Variants in BAZ2B observed in about 807,000 individuals in gnomAD.
BAZ2B encodes the protein bromodomain adjacent to zinc finger domain 2B.
In BAZ2B, 91 loss-of-function variants were observed where a neutral mutation model predicts 246.0. That is an observed-to-expected ratio of 0.37 (90% CI 0.31 to 0.44). BAZ2B has a LOEUF of 0.44. Ranked by LOEUF, BAZ2B falls within the 20% of genes least tolerant of loss-of-function variation. BAZ2B has a pLI of 1.00. For synonymous variants in BAZ2B, 855 were observed against 860.0 expected (o/e 0.99, Z 0.10); for missense variants, 2,332 against 2,533.7 (o/e 0.92, Z 1.71).
intron 2 of BAZ2B, among the ~76,000 whole-genome samples, chr2:159,507,227 T>G (rs924179787): frequency 6.6e-6 from 1 of 152,176 alleles, no homozygotes; most frequent in Non-Finnish European, 1.5e-5. Context: ...TGAGGTTTCC[T>G]GTGTAAAATA....
rs1485160890 is a variant in BAZ2B, at chr2:159,332,689, A to G, written c.5797-3T>C. ...CCCTTTCGACAGATTTGGCAGTACT[A>G]TAATACATGAAAAATCATTTAAAAT... On this transcript the variant is annotated splice_polypyrimidine_tract_variant and splice_region_variant and intron_variant, in intron 33 of 36. Transcript: ENST00000392783. The G allele has an allele frequency of 1.2e-6, 2 of 1,612,744 alleles. No individual in the cohort carries two copies. Among genetic ancestry groups the G allele is most frequent in the Admixed American group, 1.7e-5 (1 of 59,738 alleles).
chr2:159,586,191 G>A (rs576294503), intron 1 of BAZ2B, among the ~76,000 whole-genome samples: 8 of 152,156 alleles, frequency 5.3e-5, no homozygotes, highest in Admixed American at 1.3e-4. Flanking sequence ...TAATCTATAC[G>A]TTGTGGTAAT....
At chr2:159,382,326 C>A (rs1167158950) in intron 25 of BAZ2B, among the ~76,000 whole-genome samples, 1 of 152,116 alleles carries the variant, frequency 6.6e-6, no homozygotes, top group Admixed American at 6.6e-5. Context: ...AAAAAAACTT[C>A]TTTTATTCAG....
At chr2:159,447,020 C>A in intron 5 of BAZ2B, 45 bp from the exon 6 acceptor site, 1 of 1,358,042 alleles carries the variant, frequency 7.4e-7, no homozygotes, top group Non-Finnish European at 9.9e-7. Context: ...AATATTATTG[C>A]ATCATTTAAA....
chr2:159,378,613 T>C (rs2061661223), intron 25 of BAZ2B, among the ~76,000 whole-genome samples: 1 of 152,116 alleles, frequency 6.6e-6, no homozygotes, highest in Non-Finnish European at 1.5e-5. Flanking sequence ...AAAAACCAGA[T>C]AACCAGATTT....
At chr2:159,641,572 C>T in the BAZ2B span, among the ~76,000 whole-genome samples, 1 of 152,140 alleles carries the variant, frequency 6.6e-6, no homozygotes, top group African/African-American at 2.4e-5. Flanking sequence ...TAATTAAATG[C>T]CATTTGTCAA....
rs192888871 is a variant in BAZ2B, at chr2:159,377,629, A to G, written c.4006-2876T>C. 6.5e-4 allele frequency among the ~76,000 whole-genome samples: 99 copies of G among 152,180 alleles called. 1 individual carries two copies. Among genetic ancestry groups the G allele is most frequent in the African/African-American group, 1.9e-3 (78 of 41,512 alleles). On this transcript the variant is annotated intron_variant, in intron 25 of 36. Coordinates refer to ENST00000392783, the MANE Select transcript of BAZ2B (RefSeq NM_013450.4). ...AGAGATCGAGACCAGCCTGGCCAACATGGTGAAACCCTGTCTCTACTAAAA... is the reference window on the plus strand; with the variant it reads ...AGAGATCGAGACCAGCCTGGCCAACGTGGTGAAACCCTGTCTCTACTAAAA...
intron 27 of BAZ2B, among the ~76,000 whole-genome samples, chr2:159,357,044 TC>T (rs2059190140): frequency 6.6e-6 from 1 of 151,916 alleles, no homozygotes; most frequent in Non-Finnish European, 1.5e-5. Flanking sequence ...GGCTAAAAAT[TC>T]CCAAAACCAG....
intron 13 of BAZ2B, among the ~76,000 whole-genome samples, chr2:159,427,099 C>T (rs1055410326): frequency 1.3e-5 from 2 of 152,008 alleles, no homozygotes; most frequent in African/African-American, 2.4e-5. Context: ...TGGCAGATAA[C>T]AAAGTGGATG....
chr2:159,690,507 A>G, the BAZ2B span, among the ~76,000 whole-genome samples: 1 of 152,130 alleles, frequency 6.6e-6, no homozygotes, highest in African/African-American at 2.4e-5. Flanking sequence ...ACTGGTAGTT[A>G]TTGATACATA....
chr2:159,519,306 T>G (rs1450742322), intron 2 of BAZ2B, among the ~76,000 whole-genome samples: 1 of 130,188 alleles, frequency 7.7e-6, no homozygotes, highest in African/African-American at 2.9e-5. Context: ...CTCGGCTCAC[T>G]GCAAGCTCCG....
chr2:159,594,427 A>G (rs924309166), intron 1 of BAZ2B, among the ~76,000 whole-genome samples: 10 of 152,242 alleles, frequency 6.6e-5, no homozygotes, highest in Non-Finnish European at 1.2e-4. Flanking sequence ...AGTAATTAGA[A>G]AAACTAAGTA....
intron 25 of BAZ2B, among the ~76,000 whole-genome samples, chr2:159,376,400 G>GA (rs1333409960): frequency 6.7e-6 from 1 of 149,920 alleles, no homozygotes; most frequent in Non-Finnish European, 1.5e-5. Context: ...ACTACCCAAT[G>GA]AAAAAAAAAG....
chr2:159,376,884 T>C (rs1376543902), intron 25 of BAZ2B, among the ~76,000 whole-genome samples: 1 of 152,048 alleles, frequency 6.6e-6, no homozygotes, highest in Non-Finnish European at 1.5e-5. Context: ...GACAGAAAGG[T>C]AGTAGCAGCA....
At chr2:159,602,231 T>C (rs1692325093) in intron 1 of BAZ2B, among the ~76,000 whole-genome samples, 1 of 151,936 alleles carries the variant, frequency 6.6e-6, no homozygotes, top group Non-Finnish European at 1.5e-5. Context: ...GAAACAACAG[T>C]CTAGGGGTAA....
At chr2:159,553,165 C>T (rs1202754362) in intron 2 of BAZ2B, among the ~76,000 whole-genome samples, 3 of 151,582 alleles carry the variant, frequency 2.0e-5, no homozygotes, top group African/African-American at 4.8e-5. Context: ...GAGGCCAAGG[C>T]GGGTAGATCA....
intron 1 of BAZ2B, among the ~76,000 whole-genome samples, chr2:159,577,849 T>G (rs913884233): frequency 3.3e-5 from 5 of 152,178 alleles, no homozygotes; most frequent in African/African-American, 1.2e-4. Context: ...CTTATAATAC[T>G]GCTTTTCAAG....
intron 2 of BAZ2B, among the ~76,000 whole-genome samples, chr2:159,496,844 T>C (rs2081225317): frequency 6.6e-6 from 1 of 150,882 alleles, no homozygotes. Context: ...AAGAGAATTT[T>C]GAGAATTCTG....
intron 3 of BAZ2B, among the ~76,000 whole-genome samples, chr2:159,475,323 T>G (rs944894857): frequency 1.3e-5 from 2 of 152,202 alleles, no homozygotes; most frequent in African/African-American, 2.4e-5. Context: ...CTGATATCCT[T>G]TCGTCTGCTT....
Sources: gnomAD v4.1 joint callset for allele counts (sites outside exome capture counted in the v4.1 genomes callset) on GRCh38, gnomAD v4.1.1 for gene constraint, MANE v1.5 for transcripts, NCBI Gene and HGNC (gene_info 2026-07-23, HGNC 2026-07-21) for gene names.